Variants in CTNNA3 observed in about 807,000 individuals in gnomAD.
CTNNA3 encodes catenin alpha 3, also known as catenin alpha-3.
In CTNNA3, 76 loss-of-function variants were observed where a neutral mutation model predicts 95.7. The ratio of observed to expected loss-of-function variants is 0.79; its 90% confidence interval spans 0.66 to 0.96. The LOEUF is 0.96. CTNNA3 is among the 40% of genes least tolerant of loss of function. The pLI is 0.00. For synonymous variants in CTNNA3, 431 were observed against 374.4 expected, an observed-to-expected ratio of 1.15 and a Z score of -1.74; for missense variants, 1,191 against 1,089.8, an observed-to-expected ratio of 1.09 and a Z score of -1.31.
rs1841470189 is a variant in CTNNA3 at position 67,762,936 on chromosome 10, A to AC, written c.-2+497_-2+498insG. ...ACGACCCTCTCACGCGGACCCCCTT[A>AC]GAGTTGTAAGCCCTTAAGTGGGACA... On this transcript the variant is annotated intron_variant, in intron 1 of 17. Coordinates refer to the CTNNA3 transcript ENST00000684154. Among the ~76,000 whole-genome samples the AC allele has an allele frequency of 3.3e-5, 5 of 152,186 alleles. No individual in the cohort carries two copies. In the South Asian group the frequency reaches 1.0e-3, roughly 32 times the overall value.
At chr10:66,693,767 G>A (rs1847652157) in intron 9 of CTNNA3, among the ~76,000 whole-genome samples, 1 of 152,118 alleles carries the variant, frequency 6.6e-6, no homozygotes, top group South Asian at 2.1e-4. Flanking sequence ...CTGTCTCTCA[G>A]ACCACAGTGC....
intron 13 of CTNNA3, among the ~76,000 whole-genome samples, chr10:66,155,210 G>A (rs2084427812): frequency 6.6e-6 from 1 of 151,662 alleles, no homozygotes; most frequent in Non-Finnish European, 1.5e-5. Flanking sequence ...GAGAACTCTT[G>A]CATCTTAAAG....
chr10:67,373,466 T>C (rs1294508335), intron 5 of CTNNA3, among the ~76,000 whole-genome samples: 7 of 152,136 alleles, frequency 4.6e-5, no homozygotes, highest in Admixed American at 4.6e-4. Flanking sequence ...AGCACCCAGA[T>C]TCATAAAGCA....
intron 13 of CTNNA3, among the ~76,000 whole-genome samples, chr10:66,212,824 C>G (rs55932869): frequency 1.3e-5 from 2 of 152,054 alleles, no homozygotes; most frequent in Non-Finnish European, 2.9e-5. Flanking sequence ...GCCAACATGG[C>G]GAAACCCCAT....
In CTNNA3 at chr10:67,564,677, GTATATATATA is replaced by G. The variant is rs71006151; in HGVS notation, c.293-25018_293-25009del. ...TATATGCATATATGTGTGTGTGTGT[GTATATATATA>G]TATATATATATATATATATATATAT... On this transcript the variant is annotated intron_variant, in intron 3 of 17. Transcript: ENST00000433211. Among the ~76,000 whole-genome samples, 460 of 61,358 alleles carry G rather than the reference GTATATATATA, an allele frequency of 7.5e-3. 7 individuals carry two copies. Among genetic ancestry groups the G allele is most frequent in the African/African-American group, 0.025 (386 of 15,706 alleles). 40.3% of individuals were successfully genotyped at this position (61,358 alleles called of 152,430 possible). A position where few individuals can be genotyped will look rare whatever the true frequency, so the allele number is the denominator to read the frequency against.
intron 5 of CTNNA3, among the ~76,000 whole-genome samples, chr10:67,424,879 T>C (rs1462185278): frequency 6.6e-6 from 1 of 152,130 alleles, no homozygotes; most frequent in East Asian, 1.9e-4. Flanking sequence ...AATGAATACA[T>C]AGGTCTGCTA....
chr10:67,242,729 C>T (rs7099157), intron 5 of CTNNA3, among the ~76,000 whole-genome samples: 32,853 of 152,074 alleles, frequency 0.22, 4,283 homozygotes, highest in African/African-American at 0.37. Context: ...TGCATGTCTC[C>T]GGGCCTGATG....
Position 67,019,763 on chromosome 10 carries a change from T to A in CTNNA3, c.1047+160554A>T, listed in dbSNP as rs573421030. 8.7e-4 allele frequency among the ~76,000 whole-genome samples: 133 copies of A among 152,244 alleles called. 1 individual carries two copies. The South Asian group carries it at 0.026, about 30-fold the overall frequency. On this transcript the variant is annotated intron_variant, in intron 7 of 17. Coordinates refer to ENST00000433211, the MANE Select transcript of CTNNA3 (RefSeq NM_013266.4). ...TAATCCTTTGTCTCCATGAATACCATCTACCCTGTTTGTCCTATTTGACTT... is the reference window on the plus strand; with the variant it reads ...TAATCCTTTGTCTCCATGAATACCAACTACCCTGTTTGTCCTATTTGACTT...
intron 12 of CTNNA3, among the ~76,000 whole-genome samples, chr10:66,362,263 T>C (rs1351320831): frequency 6.6e-6 from 1 of 151,718 alleles, no homozygotes; most frequent in Non-Finnish European, 1.5e-5. Context: ...ACACCATGCC[T>C]GGCTAAATTG....
intron 11 of CTNNA3, among the ~76,000 whole-genome samples, chr10:66,472,013 A>G (rs74141507): frequency 0.015 from 2,240 of 152,102 alleles, 62 homozygotes; most frequent in African/African-American, 0.051. Flanking sequence ...TTTGCTATTT[A>G]GTTCATTATG....
At chr10:66,125,241 C>T (rs2082766886) in intron 13 of CTNNA3, among the ~76,000 whole-genome samples, 1 of 151,848 alleles carries the variant, frequency 6.6e-6, no homozygotes, top group Admixed American at 6.6e-5. Flanking sequence ...TAATATGTAA[C>T]ATTTGTTCAA....
intron 9 of CTNNA3, among the ~76,000 whole-genome samples, chr10:66,756,376 T>C (rs1203184642): frequency 2.0e-5 from 3 of 152,194 alleles, no homozygotes; most frequent in African/African-American, 7.2e-5. Flanking sequence ...TCAAGTTGCT[T>C]ATACTTAAGA....
chr10:67,212,822 T>G (rs576698998), intron 6 of CTNNA3, among the ~76,000 whole-genome samples: 1 of 152,042 alleles, frequency 6.6e-6, no homozygotes, highest in South Asian at 2.1e-4. Context: ...CTTTTTTATC[T>G]AGTGCTAAAC....
chr10:66,380,984 G>C (rs2092834070), intron 11 of CTNNA3, among the ~76,000 whole-genome samples: 1 of 150,684 alleles, frequency 6.6e-6, no homozygotes, highest in Admixed American at 6.6e-5. Flanking sequence ...GTCAATATTA[G>C]ACAGATCAAT....
intron 7 of CTNNA3, among the ~76,000 whole-genome samples, chr10:67,065,686 C>T (rs755247673): frequency 6.6e-5 from 10 of 151,952 alleles, no homozygotes; most frequent in South Asian, 2.1e-4. Context: ...GCATGAGCCA[C>T]GGGAAGAGAA....
At chr10:67,650,420 T>C (rs1458624986) in intron 1 of CTNNA3, among the ~76,000 whole-genome samples, 7 of 152,154 alleles carry the variant, frequency 4.6e-5, no homozygotes, top group Admixed American at 4.6e-4. Context: ...AATTCCAGTT[T>C]TCAGAATTAA....
intron 5 of CTNNA3, among the ~76,000 whole-genome samples, chr10:67,516,089 A>C (rs1324096240): frequency 6.6e-6 from 1 of 152,078 alleles, no homozygotes; most frequent in Admixed American, 6.6e-5. Flanking sequence ...CAGCCTCCCG[A>C]GTAGCTGCGA....
chr10:67,220,206 T>C (rs555988153), intron 5 of CTNNA3, among the ~76,000 whole-genome samples: 1 of 152,334 alleles, frequency 6.6e-6, no homozygotes, highest in South Asian at 2.1e-4. Context: ...ACATGGGAGC[T>C]TGAATTACAA....
intron 7 of CTNNA3, among the ~76,000 whole-genome samples, chr10:67,162,081 G>A (rs1861573614): frequency 6.6e-6 from 1 of 151,958 alleles, no homozygotes; most frequent in South Asian, 2.1e-4. Context: ...AGTTATAGCT[G>A]TAGACTTCAA....
Sources: allele counts gnomAD v4.1 joint callset (sites outside exome capture counted in the v4.1 genomes callset), GRCh38; gene constraint gnomAD v4.1.1; transcripts MANE v1.5; gene names NCBI Gene and HGNC (gene_info 2026-07-23, HGNC 2026-07-21).